Variants in FOXP1 observed in about 807,000 individuals in gnomAD.
The protein encoded by FOXP1 is forkhead box protein P1.
In FOXP1, 15 loss-of-function variants were observed where a neutral mutation model predicts 98.2. The observed-to-expected ratio is 0.15, with a 90% CI of 0.10 to 0.24. The LOEUF is 0.24. Among genes scored for constraint, FOXP1 ranks in the 10% least tolerant of loss-of-function variants. FOXP1 has a pLI of 1.00. For missense variants in FOXP1, 633 were observed against 848.5 expected (o/e 0.75, Z 3.15); for synonymous variants, 371 against 314.5 (o/e 1.18, Z -1.90).
At position 71,427,086 on chromosome 3, in the gene FOXP1, A is replaced by AT. The variant is rs200838508; in HGVS notation, c.-168+66339dup. On this transcript the variant is annotated intron_variant, in intron 3 of 20. Coordinates refer to ENST00000649528, the MANE Select transcript of FOXP1 (RefSeq NM_001349338.3). ...AAAAAAAAAAAAAAAAATCAGATGC[A>AT]TTTTTTTTTTCATATAATCACCCCA... 6.6e-3 allele frequency among the ~76,000 whole-genome samples: 971 copies of AT among 146,446 alleles called. 14 individuals are homozygous for AT. Among genetic ancestry groups the AT allele is most frequent in the African/African-American group, 0.021 (846 of 39,730 alleles).
At chr3:71,415,246 C>T (rs533951578) in intron 3 of FOXP1, among the ~76,000 whole-genome samples, 37 of 152,266 alleles carry the variant, frequency 2.4e-4, no homozygotes, top group African/African-American at 8.9e-4. Context: ...CCATAGATTA[C>T]CTATTTAAAA....
At chr3:71,207,247 C>CT (rs11425660) in intron 5 of FOXP1, among the ~76,000 whole-genome samples, 40,829 of 148,774 alleles carry the variant, frequency 0.27, 5,645 homozygotes, top group Middle Eastern at 0.37. Flanking sequence ...TCAGAAAAGT[C>CT]TTTTTTTTTT....
chr3:71,351,233 T>C (rs2077760471), intron 4 of FOXP1, among the ~76,000 whole-genome samples: 1 of 152,106 alleles, frequency 6.6e-6, no homozygotes. Flanking sequence ...AACCTCCTGC[T>C]CCAGATTTCC....
chr3:71,388,602 T>G, intron 3 of FOXP1, among the ~76,000 whole-genome samples: 1 of 152,210 alleles, frequency 6.6e-6, no homozygotes, highest in African/African-American at 2.4e-5. Context: ...AAATGAAAAA[T>G]TAAATGAAGT....
At position 71,422,290 on chromosome 3, in the gene FOXP1, T is replaced by C. The variant is rs75092144; in HGVS notation, c.-167-63046A>G. Reference sequence around the variant, plus strand: ...TCTCAACCAACAACCCTCCCCCTTTTCACTCCTATTAGAAAAACTACATAC... The same window carrying C: ...TCTCAACCAACAACCCTCCCCCTTTCCACTCCTATTAGAAAAACTACATAC... On this transcript the variant is annotated intron_variant, in intron 3 of 20. Transcript: ENST00000649528. Among the ~76,000 whole-genome samples, 101 of 152,322 alleles carry C rather than the reference T, an allele frequency of 6.6e-4. 2 individuals are homozygous for C. In the East Asian group the frequency reaches 0.019, roughly 29 times the overall value.
At chr3:71,438,635 AC>A (rs1248295404) in intron 3 of FOXP1, among the ~76,000 whole-genome samples, 2 of 150,046 alleles carry the variant, frequency 1.3e-5, no homozygotes, top group African/African-American at 4.9e-5. Context: ...CCTCATTTAT[AC>A]CCCCCAGCAG....
intron 4 of FOXP1, among the ~76,000 whole-genome samples, chr3:71,345,049 A>C (rs1217026270): frequency 6.6e-6 from 1 of 152,094 alleles, no homozygotes; most frequent in Non-Finnish European, 1.5e-5. Flanking sequence ...GAATCAAAGA[A>C]AATATTTGGG....
intron 4 of FOXP1, among the ~76,000 whole-genome samples, chr3:71,321,215 T>C (rs1332771095): frequency 6.6e-6 from 1 of 152,138 alleles, no homozygotes; most frequent in Non-Finnish European, 1.5e-5. Context: ...TTCCCTCTCT[T>C]GGGCTGTGGT....
At chr3:71,256,520 AC>A (rs1451842427) in intron 5 of FOXP1, among the ~76,000 whole-genome samples, 1 of 152,096 alleles carries the variant, frequency 6.6e-6, no homozygotes, top group Non-Finnish European at 1.5e-5. Flanking sequence ...AGTAGCTGGG[AC>A]TACAGGTGCC....
chr3:71,192,808 C>A (rs12489423), intron 6 of FOXP1, among the ~76,000 whole-genome samples: 1 of 152,108 alleles, frequency 6.6e-6, no homozygotes, highest in Non-Finnish European at 1.5e-5. Flanking sequence ...TGCCATCACC[C>A]CTAGATAACT....
chr3:71,342,793 A>C (rs1260364453), intron 4 of FOXP1, among the ~76,000 whole-genome samples: 1 of 152,168 alleles, frequency 6.6e-6, no homozygotes, highest in African/African-American at 2.4e-5. Context: ...AAAATAGTAC[A>C]ATACCCATAT....
chr3:71,050,063 T>C lies in FOXP1; in HGVS notation c.510+2474A>G, dbSNP rs1007852770. Among the ~76,000 whole-genome samples the C allele has an allele frequency of 3.3e-5, 5 of 152,160 alleles. No individual in the cohort carries two copies. The East Asian group carries it at 7.7e-4, about 23-fold the overall frequency. On this transcript the variant is annotated intron_variant, in intron 9 of 20. Transcript: ENST00000649528. ...CTAGCGACCTGGAGATGCAAGAATG[T>C]TCCTACAATGTCTTGCTTTCTCCTT...
At chr3:71,493,136 A>G (rs1336214750) in intron 3 of FOXP1, among the ~76,000 whole-genome samples, 1 of 152,228 alleles carries the variant, frequency 6.6e-6, no homozygotes, top group Middle Eastern at 3.2e-3. Flanking sequence ...GACCAAAAAA[A>G]CAATTACTCA....
chr3:71,131,128 C>T (rs1161095056), intron 6 of FOXP1, among the ~76,000 whole-genome samples: 1 of 152,068 alleles, frequency 6.6e-6, no homozygotes, highest in Admixed American at 6.5e-5. Flanking sequence ...TTAAAGAACA[C>T]ATCGTCCCGT....
At chr3:71,058,168 G>A (rs2107217392) in intron 7 of FOXP1, among the ~76,000 whole-genome samples, 1 of 152,116 alleles carries the variant, frequency 6.6e-6, no homozygotes, top group East Asian at 1.9e-4. Flanking sequence ...GGGTGGGAGG[G>A]GAGAAGACAC....
At chr3:71,351,467 C>T (rs1432199491) in intron 4 of FOXP1, among the ~76,000 whole-genome samples, 5 of 152,206 alleles carry the variant, frequency 3.3e-5, no homozygotes, top group Non-Finnish European at 5.9e-5. Flanking sequence ...TCTCTTGAAA[C>T]TGGCATTTAT....
intron 20 of FOXP1, 104 bp from the exon 21 acceptor site, chr3:70,959,495 G>T (rs1392398068): frequency 8.0e-7 from 1 of 1,255,644 alleles, no homozygotes; most frequent in Non-Finnish European, 1.1e-6. Context: ...TCTAGAACTA[G>T]AACTCTGTCC....
At chr3:71,376,103 C>A (rs1007132226) in intron 3 of FOXP1, among the ~76,000 whole-genome samples, 2 of 152,100 alleles carry the variant, frequency 1.3e-5, no homozygotes, top group Non-Finnish European at 2.9e-5. Flanking sequence ...ATGAAATCCC[C>A]ACAAGCATCT....
chr3:71,105,850 T>G (rs1290257799), intron 7 of FOXP1, among the ~76,000 whole-genome samples: 1 of 152,208 alleles, frequency 6.6e-6, no homozygotes, highest in Non-Finnish European at 1.5e-5. Flanking sequence ...TCCTCTTAAT[T>G]GAAATCCAGA....
Sources: gnomAD v4.1 joint callset for allele counts (sites outside exome capture counted in the v4.1 genomes callset) on GRCh38, gnomAD v4.1.1 for gene constraint, MANE v1.5 for transcripts, NCBI Gene and HGNC (gene_info 2026-07-23, HGNC 2026-07-21) for gene names.